DOCK1: variants seen among roughly 807,000 people sequenced by gnomAD.
DOCK1 encodes the protein dedicator of cytokinesis protein 1.
In DOCK1, 138 loss-of-function variants were observed where a neutral mutation model predicts 262.7. The observed-to-expected ratio is 0.53, with a 90% CI of 0.46 to 0.61. DOCK1 has a LOEUF of 0.61. Among genes scored for constraint, DOCK1 ranks in the 20% least tolerant of loss-of-function variants. The pLI is 0.00. For synonymous variants in DOCK1, 866 were observed against 867.4 expected, an observed-to-expected ratio of 1.00 and a Z score of 0.03; for missense variants, 1,908 against 2,370.7, an observed-to-expected ratio of 0.80 and a Z score of 4.05.
At chr10:127,003,407 A>T (rs2040749995) in intron 10 of DOCK1, among the ~76,000 whole-genome samples, 2 of 152,174 alleles carry the variant, frequency 1.3e-5, no homozygotes, top group South Asian at 4.1e-4. Flanking sequence ...ACCCATAGGC[A>T]TTTGTTTTCC....
intron 29 of DOCK1, among the ~76,000 whole-genome samples, chr10:127,281,283 C>T (rs1303448523): frequency 6.6e-6 from 1 of 152,192 alleles, no homozygotes; most frequent in African/African-American, 2.4e-5. Flanking sequence ...ATTAGCTCAT[C>T]GAGCCGTGGC....
intron 2 of DOCK1, among the ~76,000 whole-genome samples, chr10:126,975,774 C>T (rs901081115): frequency 3.5e-5 from 5 of 141,682 alleles, no homozygotes; most frequent in East Asian, 4.6e-4. Flanking sequence ...CACGCCACCA[C>T]GCCCAGCCAA....
At position 127,403,083 on chromosome 10, in the gene DOCK1, A is replaced by G. The variant is rs1300667749; in HGVS notation, c.3956A>G (p.Lys1319Arg). ...KMWEEAIALG[K>R]ELAEQYENEM... Reference sequence around the variant, plus strand: ...TGGGAGGAGGCCATTGCCTTGGGCAAGGAGCTAGCCGAGCAGTATGAGAAC... The same window carrying G: ...TGGGAGGAGGCCATTGCCTTGGGCAGGGAGCTAGCCGAGCAGTATGAGAAC... Residue 1319 changes from lysine (K) to arginine (R), a missense_variant, in exon 39 of 52, where the codon AAG becomes AGG. Physicochemically the swap from Lys to Arg is conservative, Grantham distance 26. Around this residue, in one of 9 missense-constraint regions of DOCK1, gnomAD observed 267 missense variants for 366.3 expected, o/e 0.73. Transcript: ENST00000623213. The G allele has an allele frequency of 1.2e-6, 2 of 1,612,930 alleles. No homozygotes were observed. The highest frequency in any genetic ancestry group is 2.2e-5 in the East Asian group (1 of 44,900).
At chr10:127,135,716 C>T (rs1426852802) in intron 27 of DOCK1, 1 of 152,530 alleles carries the variant, frequency 6.6e-6, no homozygotes, top group African/African-American at 2.4e-5. Context: ...TCCTTTTTGA[C>T]TCTGAACATT....
intron 30 of DOCK1, among the ~76,000 whole-genome samples, chr10:127,339,325 CAG>C (rs1025345499): frequency 6.6e-6 from 1 of 152,092 alleles, no homozygotes; most frequent in Non-Finnish European, 1.5e-5. Context: ...GCTATTGAAT[CAG>C]AGTGACAAGA....
intron 29 of DOCK1, among the ~76,000 whole-genome samples, chr10:127,323,643 C>T (rs2062633245): frequency 6.6e-6 from 1 of 152,190 alleles, no homozygotes; most frequent in African/African-American, 2.4e-5. Context: ...GAAGGACAGG[C>T]AGTCACATGC....
chr10:126,917,228 C>T (rs780729238), intron 1 of DOCK1, among the ~76,000 whole-genome samples: 1 of 152,228 alleles, frequency 6.6e-6, no homozygotes, highest in Non-Finnish European at 1.5e-5. Context: ...CCGTAATTAG[C>T]TCCTCTCCGC....
chr10:127,304,803 G>A (rs1408497504), intron 29 of DOCK1, among the ~76,000 whole-genome samples: 2 of 152,048 alleles, frequency 1.3e-5, no homozygotes, highest in African/African-American at 4.8e-5. Flanking sequence ...AGTCACTTGA[G>A]CCCAAGAGTT....
intron 31 of DOCK1, among the ~76,000 whole-genome samples, chr10:127,352,970 A>G (rs1359505046): frequency 1.3e-5 from 2 of 152,168 alleles, no homozygotes; most frequent in Non-Finnish European, 2.9e-5. Context: ...GCATGTGCAG[A>G]GCTTGAGTGG....
chr10:127,323,071 G>C (rs942894030), intron 29 of DOCK1, among the ~76,000 whole-genome samples: 1 of 149,718 alleles, frequency 6.7e-6, no homozygotes, highest in Non-Finnish European at 1.5e-5. Context: ...CGATCAATGC[G>C]AGCTCCCTTC....
rs771779408 is a variant in DOCK1, at chr10:127,260,975, GTGTGTGTACCCGTGCTCAT to G, written c.3044+3547_3044+3565del. Among the ~76,000 whole-genome samples, 385 of 66,802 alleles carry G rather than the reference GTGTGTGTACCCGTGCTCAT, an allele frequency of 5.8e-3. 4 individuals are homozygous for G. Among genetic ancestry groups the G allele is most frequent in the Non-Finnish European group, 9.6e-3 (284 of 29,490 alleles). The allele number at this position is 66,802 out of a possible 152,430, so 43.8% of individuals were successfully genotyped here. A position where few individuals can be genotyped will look rare whatever the true frequency, so the allele number is the denominator to read the frequency against. ...TCTGTGTGTGTGCATGTGGGTGTGT[GTGTGTGTACCCGTGCTCAT>G]GTGTGTGTACCTGCATGTGTGTGCA... On this transcript the variant is annotated intron_variant, in intron 29 of 51. Transcript: ENST00000623213.
At chr10:127,053,470 T>C (rs57424655) in intron 22 of DOCK1, among the ~76,000 whole-genome samples, 2,798 of 152,336 alleles carry the variant, frequency 0.018, 85 homozygotes, top group African/African-American at 0.064. Context: ...TCGGGAGAAC[T>C]CTTCCTACAT....
chr10:127,406,928 A>G (rs2067549651), intron 40 of DOCK1, among the ~76,000 whole-genome samples: 1 of 152,018 alleles, frequency 6.6e-6, no homozygotes, highest in South Asian at 2.1e-4. Flanking sequence ...ATTAAATCTT[A>G]CTGAATTTTG....
chr10:127,332,875 T>G (rs754479922), intron 29 of DOCK1, among the ~76,000 whole-genome samples: 2 of 152,188 alleles, frequency 1.3e-5, no homozygotes, highest in African/African-American at 4.8e-5. Flanking sequence ...GCATTCATTA[T>G]CTCTCCTTCC....
At chr10:127,234,490 A>G (rs1010506011) in intron 27 of DOCK1, among the ~76,000 whole-genome samples, 3 of 152,192 alleles carry the variant, frequency 2.0e-5, no homozygotes, top group Admixed American at 1.3e-4. Flanking sequence ...ACCACAAAAC[A>G]TTCCTGAAAT....
chr10:127,173,119 C>G (rs1273055541), intron 27 of DOCK1, among the ~76,000 whole-genome samples: 5 of 152,168 alleles, frequency 3.3e-5, no homozygotes, highest in African/African-American at 1.2e-4. Flanking sequence ...CCTCCCCAGA[C>G]CCCTGCTCCA....
intron 7 of DOCK1, among the ~76,000 whole-genome samples, chr10:126,997,346 G>A (rs1379772003): frequency 2.0e-5 from 3 of 152,150 alleles, no homozygotes; most frequent in African/African-American, 7.2e-5. Context: ...ATAAAGAAAA[G>A]AGGTTTAATT....
intron 29 of DOCK1, among the ~76,000 whole-genome samples, chr10:127,289,551 G>T (rs370616786): frequency 6.6e-6 from 1 of 152,094 alleles, no homozygotes; most frequent in South Asian, 2.1e-4. Flanking sequence ...AATGCCATAA[G>T]GTTATTGAAT....
chr10:127,337,098 G>T (rs2063235190), intron 29 of DOCK1, among the ~76,000 whole-genome samples: 1 of 152,046 alleles, frequency 6.6e-6, no homozygotes, highest in African/African-American at 2.4e-5. Flanking sequence ...AAAAAATTAA[G>T]GGGAAAAAAA....
Sources: gnomAD v4.1 joint callset for allele counts (sites outside exome capture counted in the v4.1 genomes callset) on GRCh38, gnomAD v4.1.1 for gene constraint, gnomAD v4.1.1 regional missense constraint, MANE v1.5 for transcripts, NCBI Gene and HGNC (gene_info 2026-07-23, HGNC 2026-07-21) for gene names.